Variants in TFAP2B observed in about 807,000 individuals in gnomAD.
TFAP2B encodes the protein transcription factor AP-2 beta.
A neutral mutation model predicts 44.3 loss-of-function variants in TFAP2B; 9 were observed. That is an observed-to-expected ratio of 0.20 (90% CI 0.12 to 0.35). TFAP2B has a LOEUF of 0.35. Ranked by LOEUF, TFAP2B falls within the 10% of genes least tolerant of loss-of-function variation. TFAP2B has a pLI of 1.00. For synonymous variants in TFAP2B, 270 were observed against 263.8 expected (o/e 1.02, Z -0.23); for missense variants, 509 against 600.0 (o/e 0.85, Z 1.59).
At chr6:50,837,355 C>T (rs1762643329) in intron 4 of TFAP2B, among the ~76,000 whole-genome samples, 1 of 152,156 alleles carries the variant, frequency 6.6e-6, no homozygotes, top group East Asian at 1.9e-4. Context: ...ACCCCCTGAA[C>T]ATTAAGCCTG....
At chr6:50,836,538 T>C (rs1360368810) in intron 4 of TFAP2B, among the ~76,000 whole-genome samples, 1 of 152,218 alleles carries the variant, frequency 6.6e-6, no homozygotes, top group Non-Finnish European at 1.5e-5. Context: ...CCGCAGATTT[T>C]GCCGCCCTGG....
rs1762818637 is a variant in TFAP2B, at chr6:50,845,138, T to C, written c.*1746T>C. ...GAAATTATCCCGGGATAAGGGTGAA[T>C]GAGAGAGGTCTCTAAATATAGTGTT... On this transcript the variant is annotated 3_prime_UTR_variant, in exon 7 of 7. Transcript: ENST00000393655. The C allele has an allele frequency of 6.6e-6, 1 of 152,190 alleles. No individual in the cohort carries two copies. The highest frequency in any genetic ancestry group is 6.5e-5 in the Admixed American group (1 of 15,278). 9.4% of individuals were successfully genotyped at this position (152,190 alleles called of 1,614,324 possible).
chr6:50,822,220 TCTCTGC>T (rs1248122633), intron 1 of TFAP2B: 2 of 1,237,096 alleles, frequency 1.6e-6, no homozygotes, highest in African/African-American at 3.1e-5. Flanking sequence ...TGTCTCTCTG[TCTCTGC>T]GTCTCTGTGT....
chr6:50,831,507 C>G (rs558152869), intron 3 of TFAP2B, among the ~76,000 whole-genome samples: 1 of 151,960 alleles, frequency 6.6e-6, no homozygotes, highest in South Asian at 2.1e-4. Flanking sequence ...TAATCTAAAC[C>G]GGCAGAGGGT....
rs774712715 is a variant in TFAP2B, at chr6:50,838,044, G to A, written c.891G>A (p.Ala297=). 1.9e-6 allele frequency: 3 copies of A among 1,614,206 alleles called. No individual in the cohort carries two copies. The highest frequency in any genetic ancestry group is 2.2e-5 in the East Asian group (1 of 44,876). ...AAAAAATCGGTTTGAATTTACCCGC[G>A]GGCAGGCGCAAAGCAGCAAATGTCA... ...RLEKIGLNLP[A]GRRKAANVTL... is the part of the protein sequence containing the mutation. The change falls in exon 5 of 7, where the codon GCG becomes GCA. Residue 297 remains alanine (A), a synonymous_variant. Coordinates refer to ENST00000393655, the MANE Select transcript of TFAP2B (RefSeq NM_003221.4).
chr6:50,828,069 G>T (rs1051239051), intron 2 of TFAP2B, among the ~76,000 whole-genome samples: 1 of 152,208 alleles, frequency 6.6e-6, no homozygotes, highest in African/African-American at 2.4e-5. Flanking sequence ...GAAGCTCATA[G>T]TTTACAGGAA....
At chr6:50,835,841 T>C (rs946002292) in intron 3 of TFAP2B, among the ~76,000 whole-genome samples, 3 of 152,200 alleles carry the variant, frequency 2.0e-5, no homozygotes, top group Non-Finnish European at 4.4e-5. Context: ...ATGACACTCA[T>C]ATGTCTACAC....
intron 6 of TFAP2B, among the ~76,000 whole-genome samples, chr6:50,841,976 C>G (rs1023819825): frequency 6.6e-6 from 1 of 152,166 alleles, no homozygotes; most frequent in African/African-American, 2.4e-5. Flanking sequence ...GAAAGGATGC[C>G]CCAGGATTCT....
At chr6:50,831,726 C>CA (rs1465710520) in intron 3 of TFAP2B, among the ~76,000 whole-genome samples, 2 of 151,734 alleles carry the variant, frequency 1.3e-5, no homozygotes, top group South Asian at 2.1e-4. Context: ...TTGCTTAACT[C>CA]AAAAAAAGGC....
chr6:50,819,072 A>G, intron 1 of TFAP2B, 100 bp downstream of exon 1: 2 of 1,211,844 alleles, frequency 1.7e-6, no homozygotes, highest in Non-Finnish European at 2.4e-6. Context: ...ATTTACTCGT[A>G]GATTTCCGGT....
chr6:50,822,092 T>A (rs1389392332), intron 1 of TFAP2B: 32 of 1,297,610 alleles, frequency 2.5e-5, no homozygotes, highest in Non-Finnish European at 3.3e-5. Flanking sequence ...TTTTTTTTAA[T>A]CATTGTTTGA....
chr6:50,846,764 C>T lies in TFAP2B; in HGVS notation c.*3372C>T, dbSNP rs892283432. 1.0e-4 allele frequency: 16 copies of T among 152,388 alleles called. No individual in the cohort carries two copies. The highest frequency in any genetic ancestry group is 3.9e-4 in the African/African-American group (16 of 41,416). The allele number at this position is 152,388 out of a possible 1,614,324, so 9.4% of individuals were successfully genotyped here. A position where few individuals can be genotyped will look rare whatever the true frequency, so the allele number is the denominator to read the frequency against. ...CCCAAAGTGGGAAGGTAACTTTCTC[C>T]CCCTTTTCCCCACCACCTTCACTCC... On this transcript the variant is annotated 3_prime_UTR_variant, in exon 7 of 7. Transcript: ENST00000393655.
chr6:50,846,892 T>G lies in TFAP2B; in HGVS notation c.*3500T>G, dbSNP rs922282216. 1.3e-5 allele frequency: 2 copies of G among 152,652 alleles called. No individual in the cohort carries two copies. The highest frequency in any genetic ancestry group is 2.9e-5 in the Non-Finnish European group (2 of 68,048). 9.5% of individuals were successfully genotyped at this position (152,652 alleles called of 1,614,324 possible). A position where few individuals can be genotyped will look rare whatever the true frequency, so the allele number is the denominator to read the frequency against. On this transcript the variant is annotated 3_prime_UTR_variant, in exon 7 of 7. Transcript: ENST00000393655. The stretch of plus-strand genomic sequence containing the variant: ...AGAACCGAAGAGGCTTTTAAAGACC[T>G]GGCTGCTTTGTTTTCCTTGGCCAAG...
chr6:50,831,468 A>G (rs1367156360), intron 3 of TFAP2B, among the ~76,000 whole-genome samples: 1 of 152,044 alleles, frequency 6.6e-6, no homozygotes, highest in Non-Finnish European at 1.5e-5. Context: ...GGGCGGGGGG[A>G]GTAATGAAAG....
chr6:50,828,825 GA>G lies in TFAP2B; in HGVS notation c.601+149del, dbSNP rs1232163589. On this transcript the variant is annotated intron_variant, in intron 3 of 6. Coordinates refer to ENST00000393655, the MANE Select transcript of TFAP2B (RefSeq NM_003221.4). ...TAGGACAATGGCTGTCAGATTAGGG[GA>G]AAGGGCATGTTGGGAAGATGGAAGT... 7.5e-6 allele frequency: 7 copies of G among 929,384 alleles called. No homozygotes were observed. In the East Asian group the frequency reaches 1.8e-4, roughly 24 times the overall value. The allele number at this position is 929,384 out of a possible 1,614,324, so 57.6% of individuals were successfully genotyped here.
chr6:50,830,289 A>G (rs746089200), intron 3 of TFAP2B: 4 of 984,948 alleles, frequency 4.1e-6, no homozygotes, highest in Non-Finnish European at 4.8e-6. Context: ...CAGAAATGTT[A>G]TTAATAGCCA....
At chr6:50,822,389 G>T (rs1770377998) in intron 1 of TFAP2B, among the ~76,000 whole-genome samples, 1 of 152,090 alleles carries the variant, frequency 6.6e-6, no homozygotes, top group Non-Finnish European at 1.5e-5. Context: ...GGAGGGGAGA[G>T]GCCGAAAAGA....
chr6:50,838,164 C>G, intron 5 of TFAP2B, 71 bp downstream of exon 5: 1 of 1,155,956 alleles, frequency 8.7e-7, no homozygotes, highest in Non-Finnish European at 1.3e-6. Flanking sequence ...ACATTTTACA[C>G]ATTTCATGAT....
chr6:50,831,441 A>G (rs1311910865), intron 3 of TFAP2B, among the ~76,000 whole-genome samples: 1 of 152,158 alleles, frequency 6.6e-6, no homozygotes, highest in East Asian at 1.9e-4. Context: ...GCCTAGTCTC[A>G]ACTCCATGGC....
Sources: allele counts gnomAD v4.1 joint callset (sites outside exome capture counted in the v4.1 genomes callset), GRCh38; gene constraint gnomAD v4.1.1; transcripts MANE v1.5; gene names NCBI Gene and HGNC (gene_info 2026-07-23, HGNC 2026-07-21).